Variants in FAR2 observed in about 807,000 individuals in gnomAD.
The protein encoded by FAR2 is epididymis secretory protein Li 81.
FAR2 carries 19 observed loss-of-function variants against 56.0 expected under a neutral mutation model. The observed-to-expected ratio is 0.34, with a 90% confidence interval of 0.24 to 0.50. The LOEUF (loss-of-function observed/expected upper bound fraction) is 0.50. Ranked by LOEUF, FAR2 falls within the 20% of genes least tolerant of loss-of-function variation. The probability of loss-of-function intolerance (pLI) is 0.98; values close to 1 mark genes in which losing one functional copy is unlikely to be tolerated. For missense variants in FAR2, 508 were observed against 642.2 expected, an observed-to-expected ratio of 0.79 and a Z score of 2.26; for synonymous variants, 219 against 218.8, an observed-to-expected ratio of 1.00 and a Z score of -0.01.
intron 1 of FAR2, chr12:29,156,534 G>A (rs1949728752): frequency 6.6e-6 from 1 of 152,180 alleles, no homozygotes; most frequent in Admixed American, 6.5e-5. Flanking sequence ...CCAGAGGTAA[G>A]GGGGAAATTA....
intron 1 of FAR2, among the ~76,000 whole-genome samples, chr12:29,215,915 G>A (rs945788852): frequency 2.6e-5 from 4 of 152,052 alleles, no homozygotes; most frequent in Non-Finnish European, 4.4e-5. Flanking sequence ...TATAACCATG[G>A]CCCTATGAAT....
chr12:29,274,559 G>T (rs1204483267), intron 2 of FAR2, among the ~76,000 whole-genome samples: 1 of 151,972 alleles, frequency 6.6e-6, no homozygotes, highest in East Asian at 1.9e-4. Flanking sequence ...GTATTGTCAG[G>T]CCTCTGAGCC....
At chr12:29,162,050 A>G (rs539940755) in intron 1 of FAR2, among the ~76,000 whole-genome samples, 82 of 152,264 alleles carry the variant, frequency 5.4e-4, no homozygotes, top group Admixed American at 4.5e-3. Flanking sequence ...TGCTTTGTCA[A>G]TGTCTTCTCC....
At chr12:29,321,699 T>C in intron 9 of FAR2, 96 bp from the exon 10 acceptor site, 9 of 1,408,160 alleles carry the variant, frequency 6.4e-6, no homozygotes, top group Non-Finnish European at 8.6e-6. Flanking sequence ...ACAGGGATAA[T>C]TTTTGTATTT....
chr12:29,250,184 G>T (rs1486541410), intron 1 of FAR2, among the ~76,000 whole-genome samples: 1 of 142,370 alleles, frequency 7.0e-6, no homozygotes, highest in East Asian at 2.0e-4. Flanking sequence ...GTGTTTAGTT[G>T]GTCAGGGTAA....
At chr12:29,274,790 T>C (rs1338427183) in intron 2 of FAR2, among the ~76,000 whole-genome samples, 1 of 142,350 alleles carries the variant, frequency 7.0e-6, no homozygotes, top group East Asian at 2.2e-4. Flanking sequence ...CAGAGAACAA[T>C]CCCCCTTTTT....
At chr12:29,304,791 A>C (rs1949230015) in intron 4 of FAR2, among the ~76,000 whole-genome samples, 1 of 152,226 alleles carries the variant, frequency 6.6e-6, no homozygotes, top group South Asian at 2.1e-4. Flanking sequence ...GCTTCTTCTG[A>C]AGCAATTCAA....
chr12:29,261,411 A>C (rs1948416007), intron 1 of FAR2, among the ~76,000 whole-genome samples: 1 of 152,200 alleles, frequency 6.6e-6, no homozygotes, highest in Admixed American at 6.5e-5. Flanking sequence ...GAAGAAAAAA[A>C]GAATGAAGCA....
chr12:29,173,572 C>G (rs894410614), intron 1 of FAR2, among the ~76,000 whole-genome samples: 2 of 152,082 alleles, frequency 1.3e-5, no homozygotes, highest in Admixed American at 6.5e-5. Context: ...TTTTCTCCAT[C>G]AGAGAGAGAA....
In FAR2 at chr12:29,333,902, A is replaced by G; in HGVS notation, c.*108A>G. On this transcript the variant is annotated 3_prime_UTR_variant, in exon 12 of 12. Coordinates refer to ENST00000536681, the MANE Select transcript of FAR2 (RefSeq NM_001271783.2). ...ACAAGGAATATGCCCAAACTGTCAAATGTCACCTGTTATGTATTCGTCCCT... is the reference window on the plus strand; with the variant it reads ...ACAAGGAATATGCCCAAACTGTCAAGTGTCACCTGTTATGTATTCGTCCCT... 9.6e-7 allele frequency: 1 copy of G among 1,037,202 alleles called. No individual in the cohort carries two copies. 64.2% of individuals were successfully genotyped at this position (1,037,202 alleles called of 1,614,324 possible).
intron 1 of FAR2, among the ~76,000 whole-genome samples, chr12:29,248,739 G>T (rs529795034): frequency 1.3e-5 from 2 of 152,266 alleles, no homozygotes; most frequent in Middle Eastern, 3.4e-3. Context: ...TTTCACCCCT[G>T]CAGTCTCGAC....
chr12:29,245,820 A>G (rs1948118378), intron 1 of FAR2, among the ~76,000 whole-genome samples: 1 of 152,134 alleles, frequency 6.6e-6, no homozygotes, highest in South Asian at 2.1e-4. Flanking sequence ...TGCACTTAGA[A>G]TACACATCGG....
At position 29,257,545 on chromosome 12, in the gene FAR2, C is replaced by T. The variant is rs183213392; in HGVS notation, c.-38-12867C>T. On this transcript the variant is annotated intron_variant, in intron 1 of 11. Transcript: ENST00000536681. ...TCGCTCTTTGCAATAAATCTTGCTA[C>T]TGCTCACTCTTTGGGTCCACACTGC... Among the ~76,000 whole-genome samples, 1,404 of 152,312 alleles carry T rather than the reference C, an allele frequency of 9.2e-3. 17 individuals are homozygous for T. The highest frequency in any genetic ancestry group is 0.032 in the African/African-American group (1,335 of 41,554).
chr12:29,247,273 A>G (rs1002804837), intron 1 of FAR2, among the ~76,000 whole-genome samples: 21 of 152,192 alleles, frequency 1.4e-4, no homozygotes, highest in African/African-American at 5.1e-4. Context: ...CTGGAGTCTC[A>G]CTGTATGAAG....
chr12:29,201,843 C>T (rs1006354604), intron 1 of FAR2, among the ~76,000 whole-genome samples: 4 of 152,256 alleles, frequency 2.6e-5, no homozygotes, highest in East Asian at 3.9e-4. Flanking sequence ...AGTGCTAAGT[C>T]GTTTGGCTAG....
chr12:29,324,867 T>G (rs915642644), intron 10 of FAR2, among the ~76,000 whole-genome samples: 1 of 152,176 alleles, frequency 6.6e-6, no homozygotes, highest in African/African-American at 2.4e-5. Flanking sequence ...CCAGCTAACA[T>G]CATGATGACA....
chr12:29,310,454 CT>C lies in FAR2; in HGVS notation c.769-573del, dbSNP rs199572236. On this transcript the variant is annotated intron_variant, in intron 6 of 11. Coordinates refer to ENST00000536681, the MANE Select transcript of FAR2 (RefSeq NM_001271783.2). ...TAACATCAGTGATCTGTGAGGTGAA[CT>C]AAGATACTGAATAAAAAGTAAATAA... Among the ~76,000 whole-genome samples the C allele has an allele frequency of 4.5e-3, 684 of 152,072 alleles. 1 individual carries two copies. Among genetic ancestry groups the C allele is most frequent in the Admixed American group, 0.017 (252 of 15,264 alleles).
At chr12:29,319,199 C>T (rs905064614) in intron 9 of FAR2, among the ~76,000 whole-genome samples, 2 of 151,998 alleles carry the variant, frequency 1.3e-5, no homozygotes, top group Non-Finnish European at 2.9e-5. Context: ...CGATCTTGAC[C>T]AGGCTGGTCT....
intron 2 of FAR2, among the ~76,000 whole-genome samples, chr12:29,290,157 C>T (rs905355695): frequency 6.6e-6 from 1 of 152,016 alleles, no homozygotes; most frequent in Non-Finnish European, 1.5e-5. Flanking sequence ...AATAGAAATA[C>T]CATATGGGCC....
Sources: gnomAD v4.1 joint callset for allele counts (sites outside exome capture counted in the v4.1 genomes callset) on GRCh38, gnomAD v4.1.1 for gene constraint, MANE v1.5 for transcripts, NCBI Gene and HGNC (gene_info 2026-07-23, HGNC 2026-07-21) for gene names.